The following TTLL11 variants were observed in gnomAD, a reference collection of about 807,000 sequenced individuals.
The protein encoded by TTLL11 is tubulin tyrosine ligase like 11.
Under a neutral mutation model 51.7 loss-of-function variants are expected in TTLL11, and 42 were observed. The observed-to-expected ratio is 0.81, with a 90% CI of 0.64 to 1.05. The LOEUF (loss-of-function observed/expected upper bound fraction) is 1.05. Among genes scored for constraint, TTLL11 ranks in the 50% least tolerant of loss-of-function variants. The pLI is 0.00. For synonymous variants in TTLL11, 381 were observed against 383.5 expected (o/e 0.99, Z 0.08); for missense variants, 799 against 940.4 (o/e 0.85, Z 1.97).
rs757355368 is a variant in TTLL11, at chr9:121,870,510, G to C, written c.1720C>G (p.Arg574Gly). The change falls in exon 7 of 9, where the codon CGT (arginine) becomes GGT (glycine). Residue 574 changes from arginine (R) to glycine (G), a missense_variant. Around this residue, in one of 3 missense-constraint regions of TTLL11, gnomAD observed 468 missense variants for 612.8 expected, o/e 0.76. Transcript: ENST00000321582. ...GTMKLGPTGF[R>G]TFIRSCKLSS... ...GTTCTCACTGACCTTATGAAGGTAC[G>C]AAAGCCTGTTGGCCCCAACTTCATT... 1.3e-6 allele frequency: 2 copies of C among 1,551,438 alleles called. No homozygotes were observed. Among genetic ancestry groups the C allele is most frequent in the Non-Finnish European group, 1.7e-6 (2 of 1,146,968 alleles).
At chr9:122,000,231 A>G (rs112220969) in intron 3 of TTLL11, among the ~76,000 whole-genome samples, 7,655 of 152,130 alleles carry the variant, frequency 0.05, 247 homozygotes, top group African/African-American at 0.098. Context: ...CAGGACTTTG[A>G]GAGGCCGAGG....
At position 122,026,271 on chromosome 9, in the gene TTLL11, G is replaced by A. The variant is rs188177588; in HGVS notation, c.693+5452C>T. Among the ~76,000 whole-genome samples, 5 of 151,828 alleles carry A rather than the reference G, an allele frequency of 3.3e-5. No homozygotes were observed. The East Asian group carries it at 9.7e-4, about 29-fold the overall frequency. On this transcript the variant is annotated intron_variant, in intron 3 of 8. Transcript: ENST00000321582. ...CTGGCCAACATGGTGAAACCCATCT[G>A]TAATAAAAATACAAAAATTAGCTGG...
At chr9:121,837,071 C>T (rs367713776) in intron 8 of TTLL11, among the ~76,000 whole-genome samples, 1 of 152,172 alleles carries the variant, frequency 6.6e-6, no homozygotes, top group East Asian at 1.9e-4. Flanking sequence ...CATGCCTTGA[C>T]GCTTCTCCGT....
rs1447173321 is a variant in TTLL11 at position 121,853,261 on chromosome 9, A to C, written c.1840+7076T>G. 6.6e-6 allele frequency among the ~76,000 whole-genome samples: 1 copy of C among 152,118 alleles called. No homozygotes were observed. Among genetic ancestry groups the C allele is most frequent in the Non-Finnish European group, 1.5e-5 (1 of 68,008 alleles). ...TGCTTGGCCTCATGCAGGCGGGAACAGCTCTGTTTCCTGGATGTTGGCCTC... is the reference window on the plus strand; with the variant it reads ...TGCTTGGCCTCATGCAGGCGGGAACCGCTCTGTTTCCTGGATGTTGGCCTC... On this transcript the variant is annotated intron_variant, in intron 8 of 8. Coordinates refer to ENST00000321582, the MANE Select transcript of TTLL11 (RefSeq NM_001139442.2). This position sits in a 1 kb window ranked among gnomAD's most constrained non-coding sequence, Gnocchi z 5.6.
At chr9:122,066,214 AGTGGTGGTG>A (rs10618618) in intron 1 of TTLL11, among the ~76,000 whole-genome samples, 7 of 140,518 alleles carry the variant, frequency 5.0e-5, no homozygotes, top group African/African-American at 8.3e-5. Context: ...TGTTGTTGTT[AGTGGTGGTG>A]GTGGTGGTGG....
chr9:122,048,879 A>G (rs542060826), intron 1 of TTLL11, among the ~76,000 whole-genome samples: 17 of 152,186 alleles, frequency 1.1e-4, no homozygotes, highest in South Asian at 4.2e-4. Flanking sequence ...CCACCTGGCC[A>G]CTTTGCAAAC....
At chr9:121,950,298 T>C (rs1841814263) in intron 6 of TTLL11, among the ~76,000 whole-genome samples, 1 of 152,152 alleles carries the variant, frequency 6.6e-6, no homozygotes, top group South Asian at 2.1e-4. Flanking sequence ...TGGGCTGGTC[T>C]GTAACCATGA....
Position 122,068,982 on chromosome 9 carries a change from G to A in TTLL11, c.462+23705C>T, listed in dbSNP as rs529378552. Among the ~76,000 whole-genome samples the A allele has an allele frequency of 2.8e-3, 424 of 152,260 alleles. 3 individuals carry two copies. Among genetic ancestry groups the A allele is most frequent in the African/African-American group, 9.4e-3 (390 of 41,536 alleles). On this transcript the variant is annotated intron_variant, in intron 1 of 8. Coordinates refer to ENST00000321582, the MANE Select transcript of TTLL11 (RefSeq NM_001139442.2). ...AGAGCCACAGATGGACGGATCTTGC[G>A]CCCCTGAATGACGACCCTGCCAAGG...
chr9:121,904,054 C>T (rs1210104779), intron 6 of TTLL11, among the ~76,000 whole-genome samples: 1 of 152,202 alleles, frequency 6.6e-6, no homozygotes, highest in African/African-American at 2.4e-5. Context: ...GCGTTAATTC[C>T]CATATTCATG....
rs112745144 is a variant in TTLL11 at position 122,091,769 on chromosome 9, A to G, written c.462+918T>C. 3.0e-4 allele frequency among the ~76,000 whole-genome samples: 46 copies of G among 152,336 alleles called. 2 individuals carry two copies. The highest frequency in any genetic ancestry group is 3.4e-3 in the Middle Eastern group (1 of 294). Reference sequence around the variant, plus strand: ...TGACACTCCTGAAAGCACATTAAATACCTTATATGCTGCAAATAAAGTCAA... The same window carrying G: ...TGACACTCCTGAAAGCACATTAAATGCCTTATATGCTGCAAATAAAGTCAA... On this transcript the variant is annotated intron_variant, in intron 1 of 8. Coordinates refer to ENST00000321582, the MANE Select transcript of TTLL11 (RefSeq NM_001139442.2).
intron 6 of TTLL11, among the ~76,000 whole-genome samples, chr9:121,938,528 T>C (rs1841320634): frequency 6.6e-6 from 1 of 152,112 alleles, no homozygotes; most frequent in Admixed American, 6.5e-5. Flanking sequence ...TATGTATAAC[T>C]CATAAAACCA....
At chr9:122,024,134 A>G (rs1844262074) in intron 3 of TTLL11, among the ~76,000 whole-genome samples, 1 of 152,174 alleles carries the variant, frequency 6.6e-6, no homozygotes, top group Non-Finnish European at 1.5e-5. Context: ...CACAAAAAGC[A>G]ATTTTATTTT....
chr9:122,051,617 CTTCTCTCTCTCT>C (rs892854530), intron 1 of TTLL11, among the ~76,000 whole-genome samples: 2 of 152,092 alleles, frequency 1.3e-5, no homozygotes, highest in African/African-American at 2.4e-5. Flanking sequence ...GTCTGTCTCT[CTTCTCTCTCTCT>C]TTCTCTCTCT....
chr9:122,000,252 A>T (rs1843418516), intron 3 of TTLL11, among the ~76,000 whole-genome samples: 3 of 152,094 alleles, frequency 2.0e-5, no homozygotes, highest in Non-Finnish European at 4.4e-5. Flanking sequence ...CAGGCGGATC[A>T]CGAGGTCAGG....
At chr9:122,029,275 T>TA (rs548618382) in intron 3 of TTLL11, among the ~76,000 whole-genome samples, 106 of 148,112 alleles carry the variant, frequency 7.2e-4, no homozygotes, top group Non-Finnish European at 1.0e-3. Context: ...CTTCTACTTC[T>TA]AAAAAAAAAA....
In TTLL11 at chr9:122,093,141, C is replaced by A; in HGVS notation, c.8G>T (p.Arg3Leu). The change falls in exon 1 of 9, where the codon CGG becomes CTG. Residue 3 changes from arginine to leucine, a missense_variant. Physicochemically the swap from Arg to Leu is moderately radical, Grantham distance 102. Transcript: ENST00000321582. MR[R>L]GSSESELAAR... The stretch of plus-strand genomic sequence containing the variant: ...CGCCAGCTCGCTCTCGGAGCTGCCC[C>A]GCCGCATGGTGCTCAGGGCCGGGGC... 1 of 1,491,452 alleles carries A rather than the reference C, an allele frequency of 6.7e-7. No homozygotes were observed. 92.4% of individuals were successfully genotyped at this position (1,491,452 alleles called of 1,614,324 possible). A position where few individuals can be genotyped will look rare whatever the true frequency, so the allele number is the denominator to read the frequency against.
chr9:121,988,435 C>A (rs375667413), intron 4 of TTLL11, among the ~76,000 whole-genome samples: 34 of 152,128 alleles, frequency 2.2e-4, no homozygotes, highest in African/African-American at 6.5e-4. Context: ...ATCTCCCCCG[C>A]ATCTCTGCCT....
At chr9:121,987,927 A>G (rs1202265318) in intron 4 of TTLL11, among the ~76,000 whole-genome samples, 1 of 151,996 alleles carries the variant, frequency 6.6e-6, no homozygotes, top group Non-Finnish European at 1.5e-5. Context: ...CAAATAGCCA[A>G]TTGTCCCCTT....
In TTLL11 at chr9:121,894,991, CGGGGGTCA is replaced by C. The variant is rs1839398002; in HGVS notation, c.1482-24251_1482-24244del. On this transcript the variant is annotated intron_variant, in intron 6 of 8. Transcript: ENST00000321582. ...ATTCATGGTTGAGAAGAAAAGTCAG[CGGGGGTCA>C]GGGGAGGTGGGACCAACGACAGGAA... Among the ~76,000 whole-genome samples the C allele has an allele frequency of 9.7e-5, 11 of 113,434 alleles. No homozygotes were observed. The South Asian group carries it at 3.7e-3, about 38-fold the overall frequency. The allele number at this position is 113,434 out of a possible 152,430, so 74.4% of individuals were successfully genotyped here.
Sources: allele counts gnomAD v4.1 joint callset (sites outside exome capture counted in the v4.1 genomes callset), GRCh38; gene constraint gnomAD v4.1.1; regional missense constraint gnomAD v4.1.1; non-coding constraint Gnocchi (gnomAD v3.1); transcripts MANE v1.5; gene names NCBI Gene and HGNC (gene_info 2026-07-23, HGNC 2026-07-21).